Variants in PMEPA1 observed in about 807,000 individuals in gnomAD.
The protein encoded by PMEPA1 is protein TMEPAI.
In PMEPA1, 11 loss-of-function variants were observed where a neutral mutation model predicts 23.0. That is an observed-to-expected ratio of 0.48 (90% CI 0.30 to 0.79). The LOEUF is 0.79. Among genes scored for constraint, PMEPA1 ranks in the 30% least tolerant of loss-of-function variants. The probability of loss-of-function intolerance (pLI) is 0.06; values close to 1 mark genes in which losing one functional copy is unlikely to be tolerated. For synonymous variants in PMEPA1, 204 were observed against 166.4 expected, an observed-to-expected ratio of 1.23 and a Z score of -1.74; for missense variants, 377 against 390.9, an observed-to-expected ratio of 0.96 and a Z score of 0.30.
chr20:57,666,591 C>T lies in PMEPA1; in HGVS notation c.110-6894G>A, dbSNP rs114541426. On this transcript the variant is annotated intron_variant, in intron 1 of 3. Coordinates refer to ENST00000341744, the MANE Select transcript of PMEPA1 (RefSeq NM_020182.5). ...ATGCCAGAAACAGCGGGAGATTGAG[C>T]CAAGGGCTTGTGTTGAATGTGACTG... Among the ~76,000 whole-genome samples the T allele has an allele frequency of 2.2e-4, 33 of 152,308 alleles. 1 individual carries two copies. Among genetic ancestry groups the T allele is most frequent in the African/African-American group, 6.7e-4 (28 of 41,566 alleles).
intron 1 of PMEPA1, among the ~76,000 whole-genome samples, chr20:57,679,466 C>T (rs972681932): frequency 3.3e-5 from 5 of 152,232 alleles, no homozygotes; most frequent in South Asian, 2.1e-4. Context: ...TCTCCAAACA[C>T]GGCACACATC....
At position 57,690,645 on chromosome 20, in the gene PMEPA1, C is replaced by A. The variant is rs548332120; in HGVS notation, c.109+18829G>T. ...GAGAGCAGGCGCGCACCCCAGCCTGCGCTTCTCCTGCTTGGGCTCTGTCCT... is the reference window on the plus strand; with the variant it reads ...GAGAGCAGGCGCGCACCCCAGCCTGAGCTTCTCCTGCTTGGGCTCTGTCCT... On this transcript the variant is annotated intron_variant, in intron 1 of 3. Coordinates refer to ENST00000341744, the MANE Select transcript of PMEPA1 (RefSeq NM_020182.5). 8 of 1,088,680 alleles carry A rather than the reference C, an allele frequency of 7.3e-6. No individual in the cohort carries two copies. The South Asian group carries it at 9.5e-5, about 13-fold the overall frequency. The allele number at this position is 1,088,680 out of a possible 1,614,324, so 67.4% of individuals were successfully genotyped here. A position where few individuals can be genotyped will look rare whatever the true frequency, so the allele number is the denominator to read the frequency against.
In PMEPA1 at chr20:57,652,522, C is replaced by A; in HGVS notation, c.395G>T (p.Arg132Leu). ...PPFAQRERFH[R>L]FQPTYPYLQH... is the part of the protein sequence containing the mutation. The stretch of plus-strand genomic sequence containing the variant: ...CAGGTACGGATAGGTGGGCTGGAAG[C>A]GGTGGAAGCGCTCCCGCTGGGCGAA... The change falls in exon 4 of 4, where the codon CGC becomes CTC. Residue 132 changes from arginine (R) to leucine (L), a missense_variant. Physicochemically the swap from Arg to Leu is moderately radical, Grantham distance 102 (BLOSUM62 -2). This residue lies in a region of PMEPA1 where 198 missense variants were observed against 196.3 expected (regional missense o/e 1.01). Coordinates refer to ENST00000341744, the MANE Select transcript of PMEPA1 (RefSeq NM_020182.5). This position sits in a 1 kb window ranked among gnomAD's most constrained non-coding sequence, Gnocchi z 6.1. 6.4e-7 allele frequency: 1 copy of A among 1,570,330 alleles called. No homozygotes were observed. Among genetic ancestry groups the A allele is most frequent in the Non-Finnish European group, 8.6e-7 (1 of 1,156,382 alleles).
intron 2 of PMEPA1, among the ~76,000 whole-genome samples, chr20:57,658,076 A>G (rs541921112): frequency 2.2e-4 from 34 of 152,358 alleles, no homozygotes; most frequent in African/African-American, 7.9e-4. Flanking sequence ...AAGGATACCG[A>G]ACAGCCGGGC....
At chr20:57,671,615 T>C (rs1322034204) in intron 1 of PMEPA1, among the ~76,000 whole-genome samples, 1 of 152,160 alleles carries the variant, frequency 6.6e-6, no homozygotes, top group Admixed American at 6.5e-5. Flanking sequence ...TTTCAAATGA[T>C]CAACCAGAGA....
chr20:57,670,028 C>T (rs529150876), intron 1 of PMEPA1, among the ~76,000 whole-genome samples: 4 of 152,054 alleles, frequency 2.6e-5, no homozygotes, highest in Admixed American at 6.5e-5. Context: ...GTGGGAAGGC[C>T]GGACAGTCTC....
chr20:57,674,786 G>C (rs1007147493), intron 1 of PMEPA1, among the ~76,000 whole-genome samples: 2 of 152,224 alleles, frequency 1.3e-5, no homozygotes, highest in Admixed American at 1.3e-4. Context: ...GGCCCTGCAT[G>C]AGCACTGAGA....
chr20:57,658,729 C>T (rs898666912), intron 2 of PMEPA1, among the ~76,000 whole-genome samples: 37 of 152,114 alleles, frequency 2.4e-4, no homozygotes, highest in Admixed American at 7.9e-4. Context: ...ACTTAGGCCC[C>T]GGGACCTGGT....
chr20:57,706,315 G>A (rs2072087037), intron 1 of PMEPA1, among the ~76,000 whole-genome samples: 2 of 152,188 alleles, frequency 1.3e-5, no homozygotes, highest in African/African-American at 4.8e-5. Flanking sequence ...CTGAGACGCA[G>A]CAGAACTGAA....
chr20:57,661,683 G>T (rs1473522934), intron 1 of PMEPA1, among the ~76,000 whole-genome samples: 1 of 152,184 alleles, frequency 6.6e-6, no homozygotes, highest in African/African-American at 2.4e-5. Context: ...CAGGCGCTCG[G>T]GCCATCAGAC....
chr20:57,653,118 G>T, intron 2 of PMEPA1, 32 bp from the exon 3 acceptor site: 20 of 1,550,360 alleles, frequency 1.3e-5, no homozygotes, highest in Non-Finnish European at 1.8e-5. Flanking sequence ...AGCAGGGTCA[G>T]TGGGGTGGGC....
At chr20:57,677,747 C>T (rs1045135278) in intron 1 of PMEPA1, among the ~76,000 whole-genome samples, 5 of 152,116 alleles carry the variant, frequency 3.3e-5, no homozygotes, top group African/African-American at 1.2e-4. Context: ...GGCAGCTTTA[C>T]TTTTCATAGC....
chr20:57,668,077 G>T (rs1353956092), intron 1 of PMEPA1, among the ~76,000 whole-genome samples: 1 of 152,196 alleles, frequency 6.6e-6, no homozygotes, highest in Admixed American at 6.5e-5. Flanking sequence ...AGACTGTACT[G>T]CTTTCAGAGT....
In PMEPA1 at chr20:57,682,978, A is replaced by G. The variant is rs1254208415; in HGVS notation, c.110-23281T>C. On this transcript the variant is annotated intron_variant, in intron 1 of 3. Coordinates refer to ENST00000341744, the MANE Select transcript of PMEPA1 (RefSeq NM_020182.5). This position sits in a 1 kb window ranked among gnomAD's most constrained non-coding sequence, Gnocchi z 4.4. ...GAAACTCCGGCTTCTCCAACTCTTC[A>G]GAAAAGGAGAAGAAGAAGAAAAAAG... Among the ~76,000 whole-genome samples, 1 of 152,338 alleles carries G rather than the reference A, an allele frequency of 6.6e-6. No individual in the cohort carries two copies. Among genetic ancestry groups the G allele is most frequent in the Admixed American group, 6.5e-5 (1 of 15,310 alleles).
Position 57,679,614 on chromosome 20 carries a change from C to A in PMEPA1, c.110-19917G>T, listed in dbSNP as rs146265320. ...CCCGCTATGGATGAACAGATTCCAA[C>A]CAGGCGCTCGCTTCCTTAGTGAAGG... On this transcript the variant is annotated intron_variant, in intron 1 of 3. Transcript: ENST00000341744. 3.3e-5 allele frequency among the ~76,000 whole-genome samples: 5 copies of A among 152,318 alleles called. No individual in the cohort carries two copies. In the East Asian group the frequency reaches 9.6e-4, roughly 29 times the overall value.
At chr20:57,702,340 C>T (rs192336930) in intron 1 of PMEPA1, among the ~76,000 whole-genome samples, 219 of 152,308 alleles carry the variant, frequency 1.4e-3, no homozygotes, top group Non-Finnish European at 2.2e-3. Flanking sequence ...TCTGTTGGTG[C>T]TGGTATGTCA....
chr20:57,651,832 G>A lies in PMEPA1; in HGVS notation c.*221C>T, dbSNP rs1189974273. 1 of 384,164 alleles carries A rather than the reference G, an allele frequency of 2.6e-6. No homozygotes were observed. The highest frequency in any genetic ancestry group is 3.8e-5 in the East Asian group (1 of 26,256). The allele number at this position is 384,164 out of a possible 1,614,324, so 23.8% of individuals were successfully genotyped here. Reference sequence around the variant, plus strand: ...TCAAGACACAGCTCAACAAAGAAACGTGGTTTTTTTTTTTCTTTTTTCTTT... The same window carrying A: ...TCAAGACACAGCTCAACAAAGAAACATGGTTTTTTTTTTTCTTTTTTCTTT... On this transcript the variant is annotated 3_prime_UTR_variant, in exon 4 of 4. Transcript: ENST00000341744.
chr20:57,698,709 G>A (rs1454959962), intron 1 of PMEPA1, among the ~76,000 whole-genome samples: 2 of 152,154 alleles, frequency 1.3e-5, no homozygotes, highest in African/African-American at 4.8e-5. Flanking sequence ...GTTCCTGCAG[G>A]GTTCCCAGAC....
chr20:57,685,863 C>T (rs1292498618), intron 1 of PMEPA1, among the ~76,000 whole-genome samples: 4 of 152,130 alleles, frequency 2.6e-5, no homozygotes, highest in Non-Finnish European at 5.9e-5. Flanking sequence ...CCACCTGCTC[C>T]GGGTGGACCA....
Sources: gnomAD v4.1 joint callset for allele counts (sites outside exome capture counted in the v4.1 genomes callset) on GRCh38, gnomAD v4.1.1 for gene constraint, gnomAD v4.1.1 regional missense constraint, Gnocchi (gnomAD v3.1) non-coding constraint, MANE v1.5 for transcripts, NCBI Gene and HGNC (gene_info 2026-07-23, HGNC 2026-07-21) for gene names.